Variants in TMEM54 observed in about 807,000 individuals in gnomAD.
TMEM54 encodes the protein beta-casein-like protein.
Under a neutral mutation model 21.3 loss-of-function variants are expected in TMEM54, and 21 were observed. The observed-to-expected ratio is 0.99, with a 90% CI of 0.70 to 1.42. The LOEUF is 1.42. Among genes scored for constraint, TMEM54 ranks in the 40% most tolerant of loss-of-function variants. TMEM54 has a pLI of 0.00. For missense variants in TMEM54, 246 were observed against 294.0 expected (o/e 0.84, Z 1.19); for synonymous variants, 109 against 125.0 (o/e 0.87, Z 0.86).
intron 1 of TMEM54, among the ~76,000 whole-genome samples, chr1:32,900,158 A>G (rs1641693155): frequency 1.3e-5 from 2 of 152,130 alleles, no homozygotes; most frequent in African/African-American, 4.8e-5. Context: ...CCCAGGACCA[A>G]GACTTTGGTC....
rs2124046699 is a variant in TMEM54 at position 32,897,020 on chromosome 1, T to C, written c.211-1051A>G. ...AATGGCCCCCAGTTGCTGGGAGAAG[T>C]GAGGATTAACCGAGTAAGTGAGGGG... On this transcript the variant is annotated intron_variant, in intron 2 of 5. Coordinates refer to ENST00000373463, the MANE Select transcript of TMEM54 (RefSeq NM_033504.4). This position sits in a 1 kb window ranked among gnomAD's most constrained non-coding sequence, Gnocchi z 4.9. Among the ~76,000 whole-genome samples the C allele has an allele frequency of 6.6e-6, 1 of 152,256 alleles. No homozygotes were observed. The highest frequency in any genetic ancestry group is 2.1e-4 in the South Asian group (1 of 4,822).
Position 32,898,316 on chromosome 1 carries a change from C to A in TMEM54, c.20G>T (p.Gly7Val), listed in dbSNP as rs774520327. Residue 7 changes from glycine to valine, a missense_variant, in exon 2 of 6, where the codon GGC becomes GTC. Coordinates refer to ENST00000373463, the MANE Select transcript of TMEM54 (RefSeq NM_033504.4). ...CTTCCGGAAGTCGCCCACACTCAGG[C>A]CTCCTGTGGGGGACAGCTATGTCAG... MCLRLG[G>V]LSVGDFRKVL... 6.3e-7 allele frequency: 1 copy of A among 1,598,388 alleles called. No homozygotes were observed. The highest frequency in any genetic ancestry group is 1.7e-5 in the Admixed American group (1 of 59,796).
At position 32,895,811 on chromosome 1, in the gene TMEM54, G is replaced by C. The variant is rs766154771; in HGVS notation, c.271-68C>G. 1.6e-5 allele frequency: 25 copies of C among 1,551,858 alleles called. No individual in the cohort carries two copies. Among genetic ancestry groups the C allele is most frequent in the Non-Finnish European group, 2.2e-5 (25 of 1,147,870 alleles). ...CCCCATGGGCAGCTCTGGCCTCCCTGAGGGTCAGCCTTACCCTCTCCAAGG... is the reference window on the plus strand; with the variant it reads ...CCCCATGGGCAGCTCTGGCCTCCCTCAGGGTCAGCCTTACCCTCTCCAAGG... On this transcript the variant is annotated intron_variant, in intron 3 of 5. Transcript: ENST00000373463. This position sits in a 1 kb window ranked among gnomAD's most constrained non-coding sequence, Gnocchi z 5.8.
rs370419083 is a variant in TMEM54 at position 32,895,350 on chromosome 1, C to T, written c.549G>A (p.Gln183=). The T allele has an allele frequency of 4.3e-6, 7 of 1,613,854 alleles. No homozygotes were observed. The highest frequency in any genetic ancestry group is 5.9e-6 in the Non-Finnish European group (7 of 1,179,780). Residue 183 remains glutamine, a synonymous_variant, in exon 5 of 6, where the codon CAG becomes CAA. Coordinates refer to ENST00000373463, the MANE Select transcript of TMEM54 (RefSeq NM_033504.4). This position sits in a 1 kb window ranked among gnomAD's most constrained non-coding sequence, Gnocchi z 5.8. ...CCCACCAGGGCCTCAGCTCCAGCAGCTGGTGGGTGAGCTGAGCACAGCGTA... is the reference window on the plus strand; with the variant it reads ...CCCACCAGGGCCTCAGCTCCAGCAGTTGGTGGGTGAGCTGAGCACAGCGTA... ...FAVRCAQLTH[Q]LLELRPWWGK... is the part of the protein sequence containing the mutation.
intron 5 of TMEM54, 67 bp from the exon 6 acceptor site, chr1:32,894,946 C>A: frequency 6.3e-7 from 1 of 1,578,672 alleles, no homozygotes; most frequent in South Asian, 1.1e-5. Context: ...CCAGGACATC[C>A]GGGAAATGGA....
Position 32,895,695 on chromosome 1 carries a change from T to C in TMEM54, c.319A>G (p.Thr107Ala). 1 of 1,560,668 alleles carries C rather than the reference T, an allele frequency of 6.4e-7. No individual in the cohort carries two copies. Among genetic ancestry groups the C allele is most frequent in the Non-Finnish European group, 8.7e-7 (1 of 1,152,086 alleles). The part of the protein sequence containing the change: ...SSVACALLSL[T>A]CALGLLASIA... ...GAGGCCAAGAGGCCGAGGGCACAGGTCAGAGAAAGGAGAGCACAGGCCACG... is the reference window on the plus strand; with the variant it reads ...GAGGCCAAGAGGCCGAGGGCACAGGCCAGAGAAAGGAGAGCACAGGCCACG... Residue 107 changes from threonine to alanine, a missense_variant, in exon 4 of 6, where the codon ACC becomes GCC. By Grantham distance (58) the Thr-to-Ala change is moderately conservative. Transcript: ENST00000373463. The surrounding 1 kb of genome is among the most constrained non-coding windows in gnomAD (Gnocchi z 5.8).
chr1:32,894,927 TCTC>T, intron 5 of TMEM54, 48 bp from the exon 6 acceptor site: 16 of 1,593,074 alleles, frequency 1.0e-5, no homozygotes, highest in Middle Eastern at 1.7e-4. Flanking sequence ...TCAGCCTGGG[TCTC>T]CTCCTCCAGG....
At chr1:32,900,727 TGCCCAGGCA>T (rs370687154) in intron 1 of TMEM54, among the ~76,000 whole-genome samples, 1 of 152,320 alleles carries the variant, frequency 6.6e-6, no homozygotes, top group African/African-American at 2.4e-5. Context: ...AGCATCACCG[TGCCCAGGCA>T]GTGGAAGGAG....
In TMEM54 at chr1:32,901,321, C is replaced by G. The variant is rs1641724887; in HGVS notation, c.-83G>C. The G allele has an allele frequency of 8.4e-7, 1 of 1,184,214 alleles. No individual in the cohort carries two copies. Among genetic ancestry groups the G allele is most frequent in the Non-Finnish European group, 1.1e-6 (1 of 947,418 alleles). The allele number at this position is 1,184,214 out of a possible 1,614,324, so 73.4% of individuals were successfully genotyped here. ...GCCGGGGGACCCTGCTCCCATCCCG[C>G]TGGCCCGTCGCCCGCGCGCCCCGCA... On this transcript the variant is annotated 5_prime_UTR_variant, in exon 1 of 6. Transcript: ENST00000373463. This position sits in a 1 kb window ranked among gnomAD's most constrained non-coding sequence, Gnocchi z 4.2.
Position 32,896,747 on chromosome 1 carries a change from A to G in TMEM54, c.211-778T>C, listed in dbSNP as rs901051996. 6.6e-6 allele frequency among the ~76,000 whole-genome samples: 1 copy of G among 152,236 alleles called. No homozygotes were observed. The highest frequency in any genetic ancestry group is 6.5e-5 in the Admixed American group (1 of 15,284). ...ACTGGACCAGGCTTGGGCCGGACCC[A>G]TCTGAGGCAGGTGGTATGACGGGGT... On this transcript the variant is annotated intron_variant, in intron 2 of 5. Transcript: ENST00000373463. The surrounding 1 kb of genome is among the most constrained non-coding windows in gnomAD (Gnocchi z 4.1).
chr1:32,895,386 G>A lies in TMEM54; in HGVS notation c.513C>T (p.Asn171=), dbSNP rs781524571. The A allele has an allele frequency of 2.0e-5, 33 of 1,613,978 alleles. No individual in the cohort carries two copies. The highest frequency in any genetic ancestry group is 2.5e-5 in the Non-Finnish European group (29 of 1,179,990). Residue 171 remains asparagine (N), a synonymous_variant, in exon 5 of 6, where the codon AAC becomes AAT. Coordinates refer to ENST00000373463, the MANE Select transcript of TMEM54 (RefSeq NM_033504.4). This position sits in a 1 kb window ranked among gnomAD's most constrained non-coding sequence, Gnocchi z 5.8. The part of the protein sequence containing the change: ...GIALVLCVAE[N]VFAVRCAQLT... ...GCTGAGCACAGCGTACAGCAAACACGTTCTCCGCCACGCAGAGCACTAGGG... is the reference window on the plus strand; with the variant it reads ...GCTGAGCACAGCGTACAGCAAACACATTCTCCGCCACGCAGAGCACTAGGG...
rs1289321755 is a variant in TMEM54 at position 32,896,627 on chromosome 1, G to T, written c.211-658C>A. ...TGCACACGTTTCCCTAACCAGCCTC[G>T]ATCCCAAGGGGTGGGGCTACCCCAC... On this transcript the variant is annotated intron_variant, in intron 2 of 5. Transcript: ENST00000373463. The surrounding 1 kb of genome is among the most constrained non-coding windows in gnomAD (Gnocchi z 4.1). 6.6e-6 allele frequency among the ~76,000 whole-genome samples: 1 copy of T among 152,208 alleles called. No individual in the cohort carries two copies. Among genetic ancestry groups the T allele is most frequent in the African/African-American group, 2.4e-5 (1 of 41,466 alleles).
At position 32,901,106 on chromosome 1, in the gene TMEM54, G is replaced by A. The variant is rs1641716955; in HGVS notation, c.16+117C>T. On this transcript the variant is annotated intron_variant, in intron 1 of 5. Transcript: ENST00000373463. This position sits in a 1 kb window ranked among gnomAD's most constrained non-coding sequence, Gnocchi z 4.2. ...TGACCCGACCCCGGCCTCGTAGTAA[G>A]TTAGAGGCAGAGCAGGTGGCCTGGC... is the stretch of plus-strand genomic sequence containing the variant. The A allele has an allele frequency of 8.7e-7, 1 of 1,144,516 alleles. No homozygotes were observed. Among genetic ancestry groups the A allele is most frequent in the Non-Finnish European group, 1.1e-6 (1 of 876,008 alleles). 70.9% of individuals were successfully genotyped at this position (1,144,516 alleles called of 1,614,324 possible). A position where few individuals can be genotyped will look rare whatever the true frequency, so the allele number is the denominator to read the frequency against.
Position 32,895,871 on chromosome 1 carries a change from C to A in TMEM54, c.270+39G>T. The stretch of plus-strand genomic sequence containing the variant: ...CCTTGGCGGGTGGCTGCTGCCCCTA[C>A]CCTTCCCTCACAGCCCCATCCCAGG... On this transcript the variant is annotated intron_variant, in intron 3 of 5. Transcript: ENST00000373463. The surrounding 1 kb of genome is among the most constrained non-coding windows in gnomAD (Gnocchi z 5.8). 6.2e-7 allele frequency: 1 copy of A among 1,600,556 alleles called. No individual in the cohort carries two copies.
At position 32,894,651 on chromosome 1, in the gene TMEM54, G is replaced by A. The variant is rs1226840578; in HGVS notation, c.*154C>T. 8.8e-6 allele frequency: 8 copies of A among 913,600 alleles called. No individual in the cohort carries two copies. The highest frequency in any genetic ancestry group is 4.9e-5 in the Admixed American group (2 of 41,190). 56.6% of individuals were successfully genotyped at this position (913,600 alleles called of 1,614,324 possible). On this transcript the variant is annotated 3_prime_UTR_variant, in exon 6 of 6. Coordinates refer to ENST00000373463, the MANE Select transcript of TMEM54 (RefSeq NM_033504.4). ...ATAAAGTCTCATTTCAGTGCAGTGG[G>A]CTGGGTGGTGGGGGAGAGGGTTGAA...
In TMEM54 at chr1:32,897,918, A is replaced by G. The variant is rs1375296591; in HGVS notation, c.210+208T>C. On this transcript the variant is annotated intron_variant, in intron 2 of 5. Transcript: ENST00000373463. This position sits in a 1 kb window ranked among gnomAD's most constrained non-coding sequence, Gnocchi z 4.9. ...TGTGTGGATGATCTCATCAGTACCC[A>G]TTAGGACCCTCAGAGGTAAACACTG... 3.7e-6 allele frequency: 2 copies of G among 540,164 alleles called. No individual in the cohort carries two copies. The highest frequency in any genetic ancestry group is 6.7e-6 in the Non-Finnish European group (2 of 299,008). The allele number at this position is 540,164 out of a possible 1,614,324, so 33.5% of individuals were successfully genotyped here.
chr1:32,894,904 G>T, intron 5 of TMEM54, 25 bp from the exon 6 acceptor site: 1 of 1,602,078 alleles, frequency 6.2e-7, no homozygotes, highest in South Asian at 1.1e-5. Flanking sequence ...GAGGCTGCCA[G>T]ACCCACTGGT....
rs1005580061 is a variant in TMEM54, at chr1:32,896,779, T to C, written c.211-810A>G. On this transcript the variant is annotated intron_variant, in intron 2 of 5. Coordinates refer to ENST00000373463, the MANE Select transcript of TMEM54 (RefSeq NM_033504.4). This position sits in a 1 kb window ranked among gnomAD's most constrained non-coding sequence, Gnocchi z 4.1. Reference sequence around the variant, plus strand: ...GCAGGTGGTATGACGGGGTCCTGGGTTCCAGGCCTAGCATGTCTTTAGTTC... The same window carrying C: ...GCAGGTGGTATGACGGGGTCCTGGGCTCCAGGCCTAGCATGTCTTTAGTTC... Among the ~76,000 whole-genome samples the C allele has an allele frequency of 6.6e-6, 1 of 152,204 alleles. No homozygotes were observed. Among genetic ancestry groups the C allele is most frequent in the African/African-American group, 2.4e-5 (1 of 41,452 alleles).
At chr1:32,900,031 G>C (rs950923463) in intron 1 of TMEM54, among the ~76,000 whole-genome samples, 6 of 152,186 alleles carry the variant, frequency 3.9e-5, no homozygotes, top group Admixed American at 6.5e-5. Flanking sequence ...CAGCCAAGCA[G>C]GAAGGGGCAT....
Sources: allele counts gnomAD v4.1 joint callset (sites outside exome capture counted in the v4.1 genomes callset), GRCh38; gene constraint gnomAD v4.1.1; non-coding constraint Gnocchi (gnomAD v3.1); transcripts MANE v1.5; gene names NCBI Gene and HGNC (gene_info 2026-07-23, HGNC 2026-07-21).